CCDC138: variants seen among roughly 807,000 people sequenced by gnomAD.
CCDC138 encodes coiled-coil domain-containing protein 138.
In CCDC138, 66 loss-of-function variants were observed where a neutral mutation model predicts 82.3. The ratio of observed to expected loss-of-function variants is 0.80; its 90% CI spans 0.66 to 0.98. CCDC138 has a LOEUF of 0.98. Ranked by LOEUF, CCDC138 falls within the 50% of genes least tolerant of loss-of-function variation. The probability of loss-of-function intolerance (pLI) is 0.00; values close to 1 mark genes in which losing one functional copy is unlikely to be tolerated. For synonymous variants in CCDC138, 297 were observed against 265.4 expected, an observed-to-expected ratio of 1.12 and a Z score of -1.16; for missense variants, 816 against 758.9, an observed-to-expected ratio of 1.08 and a Z score of -0.88.
rs1692689568 is a variant in CCDC138 at position 108,856,878 on chromosome 2, C to G, written c.1601C>G (p.Ala534Gly). ...EGKTLFLEYQ[A>G]VPVILSHLRI... ...AAAACCTTGTTTTTGGAGTATCAGG[C>G]TGTTCCAGTAATATTAAGTCATCTA... Residue 534 changes from alanine (A) to glycine (G), a missense_variant, in exon 13 of 15, where the codon GCT (alanine) becomes GGT (glycine). Ala to Gly is a moderately conservative substitution (Grantham distance 60). Coordinates refer to ENST00000295124, the MANE Select transcript of CCDC138 (RefSeq NM_144978.3). 1 of 1,612,788 alleles carries G rather than the reference C, an allele frequency of 6.2e-7. No homozygotes were observed. Among genetic ancestry groups the G allele is most frequent in the African/African-American group, 1.3e-5 (1 of 74,800 alleles).
chr2:108,808,357 C>G (rs1446580480), intron 7 of CCDC138, among the ~76,000 whole-genome samples: 1 of 152,134 alleles, frequency 6.6e-6, no homozygotes, highest in African/African-American at 2.4e-5. Context: ...CTGATTTTCT[C>G]TCCTGTGAAT....
intron 10 of CCDC138, among the ~76,000 whole-genome samples, chr2:108,838,600 T>C (rs547705426): frequency 1.3e-5 from 2 of 152,294 alleles, no homozygotes; most frequent in African/African-American, 4.8e-5. Context: ...CAAAATGATA[T>C]ACTTTTGAAG....
chr2:108,873,415 T>A, intron 13 of CCDC138, 36 bp from the exon 14 acceptor site: 1 of 1,446,672 alleles, frequency 6.9e-7, no homozygotes. Context: ...TTTTCGCTAC[T>A]CCCTAATAGT....
At chr2:108,800,296 G>A (rs1283534849) in intron 6 of CCDC138, among the ~76,000 whole-genome samples, 1 of 151,958 alleles carries the variant, frequency 6.6e-6, no homozygotes. Flanking sequence ...AGATAGTCTC[G>A]CTCTGTCATC....
intron 10 of CCDC138, among the ~76,000 whole-genome samples, chr2:108,827,914 C>T (rs907972147): frequency 6.6e-6 from 1 of 151,834 alleles, no homozygotes; most frequent in Non-Finnish European, 1.5e-5. Context: ...ATTCCCATTC[C>T]CATATGTAAA....
intron 4 of CCDC138, among the ~76,000 whole-genome samples, chr2:108,792,405 A>G (rs1680049890): frequency 1.3e-5 from 2 of 152,266 alleles, no homozygotes; most frequent in South Asian, 4.1e-4. Flanking sequence ...TATATGGTCG[A>G]TTTTCCCAGT....
chr2:108,789,513 G>GA (rs1482032475), intron 3 of CCDC138, among the ~76,000 whole-genome samples: 1 of 152,242 alleles, frequency 6.6e-6, no homozygotes, highest in Non-Finnish European at 1.5e-5. Context: ...AGAATCACTT[G>GA]AACCCGGGAG....
chr2:108,789,914 CAAG>C (rs1231474307), intron 3 of CCDC138, among the ~76,000 whole-genome samples: 5 of 152,100 alleles, frequency 3.3e-5, no homozygotes. Flanking sequence ...CTATGGGTAT[CAAG>C]AAGGAGTAAG....
chr2:108,812,974 G>A, intron 9 of CCDC138, 47 bp downstream of exon 9: 1 of 1,544,978 alleles, frequency 6.5e-7, no homozygotes, highest in Non-Finnish European at 8.9e-7. Flanking sequence ...TCTCGGCTGG[G>A]TACGGTGGCT....
intron 13 of CCDC138, among the ~76,000 whole-genome samples, chr2:108,858,323 G>A (rs55816710): frequency 1.9e-4 from 29 of 152,250 alleles, no homozygotes; most frequent in Non-Finnish European, 3.8e-4. Context: ...CAGCCTGGGT[G>A]CCAGAGTAAG....
chr2:108,856,826 T>C lies in CCDC138; in HGVS notation c.1549T>C (p.Cys517Arg). 1 of 1,613,348 alleles carries C rather than the reference T, an allele frequency of 6.2e-7. No homozygotes were observed. Among genetic ancestry groups the C allele is most frequent in the Non-Finnish European group, 8.5e-7 (1 of 1,179,676 alleles). ...DYLAQAFDSL[C>R]LDLKTEEGKT... Reference sequence around the variant, plus strand: ...CCTGGCTCAGGCATTTGATTCTCTTTGTTTGGACTTGAAGACAGAAGAAGG... The same window carrying C: ...CCTGGCTCAGGCATTTGATTCTCTTCGTTTGGACTTGAAGACAGAAGAAGG... The change falls in exon 13 of 15, where the codon TGT becomes CGT. Residue 517 changes from cysteine (C) to arginine (R), a missense_variant. Transcript: ENST00000295124.
intron 13 of CCDC138, among the ~76,000 whole-genome samples, chr2:108,858,852 A>G (rs561221760): frequency 1.3e-5 from 2 of 152,124 alleles, no homozygotes; most frequent in South Asian, 2.1e-4. Flanking sequence ...ACATTATTTC[A>G]TTATTTTTTA....
At chr2:108,832,175 G>GT (rs1314354819) in intron 10 of CCDC138, among the ~76,000 whole-genome samples, 2 of 151,152 alleles carry the variant, frequency 1.3e-5, no homozygotes, top group African/African-American at 4.9e-5. Flanking sequence ...GATTACAGGT[G>GT]TACGCCATCA....
chr2:108,834,859 A>C (rs1193770126), intron 10 of CCDC138, among the ~76,000 whole-genome samples: 2 of 152,218 alleles, frequency 1.3e-5, no homozygotes, highest in African/African-American at 2.4e-5. Context: ...AGACAGGCAT[A>C]TGACTTTGTC....
chr2:108,835,561 A>G (rs527693395), intron 10 of CCDC138, among the ~76,000 whole-genome samples: 3 of 152,362 alleles, frequency 2.0e-5, no homozygotes, highest in African/African-American at 7.2e-5. Context: ...ATGAATAACC[A>G]TAGTTTAAAT....
At chr2:108,811,701 A>G (rs888223184) in intron 7 of CCDC138, among the ~76,000 whole-genome samples, 1 of 152,128 alleles carries the variant, frequency 6.6e-6, no homozygotes, top group Non-Finnish European at 1.5e-5. Context: ...GGCTTCTAAA[A>G]TGTACTCTTC....
intron 3 of CCDC138, 99 bp downstream of exon 3, chr2:108,789,065 C>A: frequency 8.1e-7 from 1 of 1,236,832 alleles, no homozygotes; most frequent in Non-Finnish European, 1.2e-6. Context: ...TTCCTGAGGA[C>A]AAGTATGAGG....
intron 14 of CCDC138, among the ~76,000 whole-genome samples, chr2:108,875,268 A>G (rs1364585885): frequency 1.3e-5 from 2 of 151,632 alleles, no homozygotes; most frequent in Non-Finnish European, 2.9e-5. Context: ...ACGTATACAT[A>G]TGTAACTAAC....
In CCDC138 at chr2:108,815,990, G is replaced by A; in HGVS notation, c.1091G>A (p.Trp364Ter). The change falls in exon 10 of 15, where the codon TGG (tryptophan) becomes TAG (stop). Residue 364 changes from tryptophan (W) to a stop codon, truncating the protein, a stop_gained. Transcript: ENST00000295124. LOFTEE classifies it high-confidence loss of function. ...VYELLTVFMDWISDHHLSKVK... is the reference protein window; with the variant it reads ...VYELLTVFMD The stretch of plus-strand genomic sequence containing the variant: ...GAACTTTTAACTGTCTTCATGGACT[G>A]GATTTCGGATCATCATCTTAGCAAA... 1 of 1,613,378 alleles carries A rather than the reference G, an allele frequency of 6.2e-7. No homozygotes were observed.
Sources: gnomAD v4.1 joint callset for allele counts (sites outside exome capture counted in the v4.1 genomes callset) on GRCh38, gnomAD v4.1.1 for gene constraint, MANE v1.5 for transcripts, NCBI Gene and HGNC (gene_info 2026-07-23, HGNC 2026-07-21) for gene names.